Variants in GPHN observed in about 807,000 individuals in gnomAD.
GPHN encodes gephyrin.
GPHN carries 17 observed loss-of-function variants against 95.5 expected under a neutral mutation model. The observed-to-expected ratio is 0.18, with a 90% confidence interval of 0.12 to 0.27. The LOEUF (loss-of-function observed/expected upper bound fraction) is 0.27, where lower values mean the gene tolerates loss of function less well. Ranked by LOEUF, GPHN falls within the 10% of genes least tolerant of loss-of-function variation. The pLI is 1.00. For synonymous variants in GPHN, 320 were observed against 322.5 expected (o/e 0.99, Z 0.08); for missense variants, 660 against 978.1 (o/e 0.67, Z 4.34).
At chr14:67,313,799 T>C in the GPHN span, among the ~76,000 whole-genome samples, 1 of 152,158 alleles carries the variant, frequency 6.6e-6, no homozygotes, top group Admixed American at 6.5e-5. Context: ...CTGTGTCCCC[T>C]ACTTTATAAT....
the GPHN span, among the ~76,000 whole-genome samples, chr14:67,283,647 A>ATGT: frequency 6.6e-6 from 1 of 152,200 alleles, no homozygotes. Flanking sequence ...TGTTGTCACT[A>ATGT]GATTTAATGT....
chr14:67,587,147 C>G, the GPHN span: 1 of 1,613,988 alleles, frequency 6.2e-7, no homozygotes, highest in South Asian at 1.1e-5. Context: ...CCCACCAACC[C>G]ACCCGGAGCC....
intron 2 of GPHN, among the ~76,000 whole-genome samples, chr14:66,710,748 C>T (rs2153421841): frequency 6.6e-6 from 1 of 152,272 alleles, no homozygotes; most frequent in East Asian, 1.9e-4. Flanking sequence ...AGGTTTTCCA[C>T]TAAATAGGGC....
At chr14:66,707,549 C>T (rs2069198245) in intron 2 of GPHN, among the ~76,000 whole-genome samples, 1 of 152,138 alleles carries the variant, frequency 6.6e-6, no homozygotes, top group African/African-American at 2.4e-5. Context: ...TCATCCTCAG[C>T]AAACTTAACG....
intron 2 of GPHN, among the ~76,000 whole-genome samples, chr14:66,760,006 T>A (rs1005517579): frequency 6.6e-6 from 1 of 152,222 alleles, no homozygotes; most frequent in African/African-American, 2.4e-5. Context: ...TCTCAGAGGT[T>A]AAATAGCACC....
At chr14:67,537,379 T>A in the GPHN span, among the ~76,000 whole-genome samples, 1 of 141,566 alleles carries the variant, frequency 7.1e-6, no homozygotes, top group Admixed American at 7.0e-5. Context: ...ATAATAATAA[T>A]AAAAACTTAA....
chr14:67,570,010 G>A, the GPHN span: 3 of 1,585,614 alleles, frequency 1.9e-6, no homozygotes, highest in Non-Finnish European at 2.6e-6. Context: ...AGCACTGAAG[G>A]GGGTAAGAAA....
intron 12 of GPHN, among the ~76,000 whole-genome samples, chr14:67,099,465 A>G (rs1883568493): frequency 6.6e-6 from 1 of 152,132 alleles, no homozygotes; most frequent in Non-Finnish European, 1.5e-5. Flanking sequence ...TAACCCATGA[A>G]AATGGCTTAA....
intron 8 of GPHN, among the ~76,000 whole-genome samples, chr14:66,944,739 A>G (rs115822467): frequency 1.5e-3 from 225 of 152,390 alleles, no homozygotes; most frequent in African/African-American, 5.2e-3. Flanking sequence ...TTCTTATGCA[A>G]ATAAGTTCTT....
chr14:67,632,808 A>ATTTTTTT, the GPHN span, among the ~76,000 whole-genome samples: 4 of 62,412 alleles, frequency 6.4e-5, no homozygotes, highest in Non-Finnish European at 8.4e-5. Context: ...AAGCCTCTTA[A>ATTTTTTT]TTTTTTTTTT....
chr14:66,922,601 G>A (rs930238508), intron 6 of GPHN, 65 bp from the exon 7 acceptor site: 2 of 1,275,828 alleles, frequency 1.6e-6, no homozygotes, highest in African/African-American at 1.5e-5. Flanking sequence ...CAGTTTGATT[G>A]CCACCATCTT....
At chr14:66,676,857 TTTTTA>T (rs1315558658) in intron 1 of GPHN, among the ~76,000 whole-genome samples, 2 of 152,040 alleles carry the variant, frequency 1.3e-5, no homozygotes, top group Non-Finnish European at 2.9e-5. Flanking sequence ...AATTTCCACC[TTTTTA>T]ATTTTTTGGA....
the GPHN span, chr14:67,388,396 G>A: frequency 2.6e-6 from 2 of 773,176 alleles, no homozygotes; most frequent in Non-Finnish European, 4.7e-6. Context: ...AAAGAAGTGA[G>A]TGCAAATCAT....
intron 21 of GPHN, among the ~76,000 whole-genome samples, chr14:67,176,038 T>C (rs2082923490): frequency 6.6e-6 from 1 of 152,190 alleles, no homozygotes; most frequent in African/African-American, 2.4e-5. Context: ...ACAATTTGAC[T>C]TCCTCTTTTC....
At chr14:66,960,159 T>C (rs1312269979) in intron 8 of GPHN, among the ~76,000 whole-genome samples, 1 of 152,098 alleles carries the variant, frequency 6.6e-6, no homozygotes, top group Admixed American at 6.5e-5. Context: ...GTTCTTTGTT[T>C]ATAGTTTCCT....
the GPHN span, among the ~76,000 whole-genome samples, chr14:67,235,156 C>A: frequency 7.6e-5 from 11 of 144,126 alleles, no homozygotes; most frequent in African/African-American, 7.6e-5. Flanking sequence ...AACTCCGTCT[C>A]AAAAAAAAAA....
chr14:67,189,747 A>C, the GPHN span: 1 of 152,252 alleles, frequency 6.6e-6, no homozygotes, highest in African/African-American at 2.4e-5. Context: ...CGAGAGACTT[A>C]ACACCTGGTG....
chr14:67,575,977 A>G, the GPHN span: 14 of 1,612,284 alleles, frequency 8.7e-6, no homozygotes, highest in Non-Finnish European at 1.2e-5. Context: ...AGCCCCACCT[A>G]CCTCCTCATT....
chr14:67,657,598 G>GCACGCACACA, the GPHN span, among the ~76,000 whole-genome samples: 3 of 112,372 alleles, frequency 2.7e-5, no homozygotes, highest in African/African-American at 1.1e-4. Flanking sequence ...GCGCGCGCGT[G>GCACGCACACA]CACACACACA....
Sources: allele counts gnomAD v4.1 joint callset (sites outside exome capture counted in the v4.1 genomes callset), GRCh38; gene constraint gnomAD v4.1.1; transcripts MANE v1.5; gene names NCBI Gene and HGNC (gene_info 2026-07-23, HGNC 2026-07-21).